The following SORCS2 variants were observed in gnomAD, a reference collection of about 807,000 sequenced individuals.
SORCS2 encodes the protein sortilin related VPS10 domain containing receptor 2.
A neutral mutation model predicts 141.6 loss-of-function variants in SORCS2; 100 were observed. The ratio of observed to expected loss-of-function variants is 0.71; its 90% CI spans 0.60 to 0.83. The LOEUF (loss-of-function observed/expected upper bound fraction) is 0.83, where lower values mean the gene tolerates loss of function less well. Among genes scored for constraint, SORCS2 ranks in the 40% least tolerant of loss-of-function variants. The probability of loss-of-function intolerance (pLI) is 0.00; values close to 1 mark genes in which losing one functional copy is unlikely to be tolerated. For missense variants in SORCS2, 1,646 were observed against 1,560.2 expected (o/e 1.05, Z -0.93); for synonymous variants, 789 against 676.9 (o/e 1.17, Z -2.57).
In SORCS2 at chr4:7,309,901, C is replaced by T. The variant is rs570763546; in HGVS notation, c.481-86387C>T. On this transcript the variant is annotated intron_variant, in intron 1 of 26. Transcript: ENST00000507866. ...ATGTTCTGCGAGCTTATGCCCTCTC[C>T]GGAGCAGCTCTGCAAGCCAGGGGTG... Among the ~76,000 whole-genome samples the T allele has an allele frequency of 2.1e-3, 318 of 152,286 alleles. 1 individual carries two copies. The highest frequency in any genetic ancestry group is 7.0e-3 in the African/African-American group (291 of 41,538).
In SORCS2 at chr4:7,349,435, G is replaced by C. The variant is rs546663294; in HGVS notation, c.481-46853G>C. On this transcript the variant is annotated intron_variant, in intron 1 of 26. Coordinates refer to ENST00000507866, the MANE Select transcript of SORCS2 (RefSeq NM_020777.3). ...AGGGCCAGTGGGGTGGGTGTGGGCT[G>C]GGTGTCCTGCGCCAGGCTGCCTAGA... 1.6e-4 allele frequency among the ~76,000 whole-genome samples: 24 copies of C among 152,282 alleles called. No homozygotes were observed. The East Asian group carries it at 4.5e-3, about 28-fold the overall frequency.
At chr4:7,555,574 G>T (rs28687792) in intron 3 of SORCS2, among the ~76,000 whole-genome samples, 12 of 152,226 alleles carry the variant, frequency 7.9e-5, no homozygotes, top group African/African-American at 2.9e-4. Context: ...TAGTGTCAGG[G>T]TTGGGTATCG....
Position 7,636,204 on chromosome 4 carries a change from TCAAATGCTTGGCTCCAA to T in SORCS2, c.649-2123_649-2107del, listed in dbSNP as rs1194928721. 1.4e-3 allele frequency among the ~76,000 whole-genome samples: 207 copies of T among 152,204 alleles called. 5 individuals are homozygous for T. The highest frequency in any genetic ancestry group is 3.4e-3 in the Middle Eastern group (1 of 294). On this transcript the variant is annotated intron_variant, in intron 3 of 26. Transcript: ENST00000507866. The stretch of plus-strand genomic sequence containing the variant: ...TGTGGCTAAGAACAGGGCTCTGGAG[TCAAATGCTTGGCTCCAA>T]AGGGAGACTTCCTTTGGGACTTGCT...
At chr4:7,457,043 C>T (rs1728956199) in intron 2 of SORCS2, among the ~76,000 whole-genome samples, 2 of 152,164 alleles carry the variant, frequency 1.3e-5, no homozygotes, top group African/African-American at 4.8e-5. Context: ...CCTTTCTGTC[C>T]ATCCCTGCTC....
chr4:7,689,074 C>A (rs548393470), intron 10 of SORCS2, among the ~76,000 whole-genome samples: 1 of 152,304 alleles, frequency 6.6e-6, no homozygotes, highest in East Asian at 1.9e-4. Context: ...GAATCACATC[C>A]CATGGCCCGG....
intron 1 of SORCS2, among the ~76,000 whole-genome samples, chr4:7,271,769 AAG>A (rs771697931): frequency 1.3e-5 from 2 of 152,234 alleles, no homozygotes; most frequent in Non-Finnish European, 2.9e-5. Flanking sequence ...GAGGATGAAT[AAG>A]AGTTTTCCAG....
At chr4:7,370,169 G>T (rs1257746267) in intron 1 of SORCS2, among the ~76,000 whole-genome samples, 2 of 152,180 alleles carry the variant, frequency 1.3e-5, no homozygotes, top group Non-Finnish European at 2.9e-5. Flanking sequence ...GGCTCTTCCT[G>T]GGGGAGACTG....
At chr4:7,330,791 C>T (rs1160812715) in intron 1 of SORCS2, among the ~76,000 whole-genome samples, 1 of 151,958 alleles carries the variant, frequency 6.6e-6, no homozygotes. Flanking sequence ...TTCCTGAGGT[C>T]TCTCAGTGAA....
At chr4:7,296,045 G>T (rs893942634) in intron 1 of SORCS2, among the ~76,000 whole-genome samples, 1 of 152,182 alleles carries the variant, frequency 6.6e-6, no homozygotes, top group Non-Finnish European at 1.5e-5. Flanking sequence ...GTCCGTGCTG[G>T]GGGCCACAGG....
chr4:7,494,591 T>C (rs79423258), intron 2 of SORCS2, among the ~76,000 whole-genome samples: 2,126 of 152,296 alleles, frequency 0.014, 55 homozygotes, highest in African/African-American at 0.049. Context: ...CCTACCCTCA[T>C]GACCTCATCC....
intron 2 of SORCS2, among the ~76,000 whole-genome samples, chr4:7,452,036 C>G (rs543048236): frequency 6.6e-6 from 1 of 152,302 alleles, no homozygotes. Flanking sequence ...CCCGGCTCCT[C>G]CTGCTCTGCA....
intron 2 of SORCS2, among the ~76,000 whole-genome samples, chr4:7,530,746 T>A (rs1456865560): frequency 6.6e-6 from 1 of 152,248 alleles, no homozygotes; most frequent in Non-Finnish European, 1.5e-5. Flanking sequence ...GATATGAAGT[T>A]GCCTTTGTGG....
intron 9 of SORCS2, among the ~76,000 whole-genome samples, chr4:7,676,744 A>G (rs1357646338): frequency 2.3e-5 from 1 of 42,696 alleles, no homozygotes; most frequent in African/African-American, 1.0e-4. Context: ...CCCTCTCTCC[A>G]CCCCCGCCCT....
intron 3 of SORCS2, among the ~76,000 whole-genome samples, chr4:7,585,327 G>T (rs1253608774): frequency 6.6e-6 from 1 of 152,190 alleles, no homozygotes; most frequent in Non-Finnish European, 1.5e-5. Flanking sequence ...AAACCCGCCG[G>T]ACTTCCAAGG....
chr4:7,691,039 C>G (rs1724211444), intron 11 of SORCS2, among the ~76,000 whole-genome samples: 1 of 152,166 alleles, frequency 6.6e-6, no homozygotes. Flanking sequence ...GGGTCTGTGA[C>G]AGTCAGACAG....
chr4:7,373,006 GTT>G (rs56090778), intron 1 of SORCS2, among the ~76,000 whole-genome samples: 3 of 138,166 alleles, frequency 2.2e-5, no homozygotes, highest in African/African-American at 2.7e-5. Context: ...GGTGGTTTCT[GTT>G]TTTTTTTTTT....
At chr4:7,344,714 G>A (rs1420966004) in intron 1 of SORCS2, among the ~76,000 whole-genome samples, 2 of 152,196 alleles carry the variant, frequency 1.3e-5, no homozygotes, top group Admixed American at 6.5e-5. Flanking sequence ...GCACCGTGCT[G>A]GACAGGAAGC....
chr4:7,656,786 C>G (rs758937253), intron 5 of SORCS2, among the ~76,000 whole-genome samples: 16 of 152,226 alleles, frequency 1.1e-4, no homozygotes, highest in Non-Finnish European at 2.2e-4. Context: ...GGGCCTCTGT[C>G]CATAGAAGGA....
At chr4:7,550,008 A>T (rs1194177951) in intron 3 of SORCS2, among the ~76,000 whole-genome samples, 1 of 152,062 alleles carries the variant, frequency 6.6e-6, no homozygotes, top group African/African-American at 2.4e-5. Context: ...TAAAATATGA[A>T]TCCACAGGCG....
Sources: gnomAD v4.1 joint callset for allele counts (sites outside exome capture counted in the v4.1 genomes callset) on GRCh38, gnomAD v4.1.1 for gene constraint, MANE v1.5 for transcripts, NCBI Gene and HGNC (gene_info 2026-07-23, HGNC 2026-07-21) for gene names.